Variants in PRRC2B observed in about 807,000 individuals in gnomAD.
PRRC2B encodes proline rich coiled-coil 2B, also known as protein PRRC2B.
A neutral mutation model predicts 242.3 loss-of-function variants in PRRC2B; 68 were observed. The ratio of observed to expected loss-of-function variants is 0.28; its 90% CI spans 0.23 to 0.34. The LOEUF (loss-of-function observed/expected upper bound fraction) is 0.34, where lower values mean the gene tolerates loss of function less well. PRRC2B is among the 10% of genes least tolerant of loss of function. The pLI is 1.00. For synonymous variants in PRRC2B, 1,228 were observed against 1,173.6 expected, an observed-to-expected ratio of 1.05 and a Z score of -0.95; for missense variants, 2,835 against 2,954.8, an observed-to-expected ratio of 0.96 and a Z score of 0.94.
chr9:131,427,692 G>C (rs1331770539), intron 1 of PRRC2B, among the ~76,000 whole-genome samples: 2 of 152,026 alleles, frequency 1.3e-5, no homozygotes, highest in Non-Finnish European at 2.9e-5. Context: ...CCACCACATC[G>C]CATGTGTTCC....
chr9:131,451,314 G>A (rs1162055759), intron 9 of PRRC2B, among the ~76,000 whole-genome samples: 1 of 152,092 alleles, frequency 6.6e-6, no homozygotes, highest in African/African-American at 2.4e-5. Context: ...CAGGAGAATT[G>A]CTTGAACTCG....
At position 131,476,359 on chromosome 9, in the gene PRRC2B, G is replaced by T. The variant is rs1292483846; in HGVS notation, c.4230G>T (p.Leu1410Phe). ...QVDGGLSGAS[L>F]GEKKELAKRS... Reference sequence around the variant, plus strand: ...ATGGTGGCCTGTCGGGGGCTAGTTTGGGTGAGAAGAAGGAGCTGGCCAAGA... The same window carrying T: ...ATGGTGGCCTGTCGGGGGCTAGTTTTGGTGAGAAGAAGGAGCTGGCCAAGA... The change falls in exon 16 of 32, where the codon TTG becomes TTT. Residue 1410 changes from leucine to phenylalanine, a missense_variant. Leu to Phe is a conservative substitution (Grantham distance 22). Around this residue, in one of 7 missense-constraint regions of PRRC2B, gnomAD observed 1,536 missense variants for 1,483.1 expected, o/e 1.04. Transcript: ENST00000683519. 6.3e-7 allele frequency: 1 copy of T among 1,595,482 alleles called. No individual in the cohort carries two copies. The highest frequency in any genetic ancestry group is 8.5e-7 in the Non-Finnish European group (1 of 1,171,014).
intron 1 of PRRC2B, among the ~76,000 whole-genome samples, chr9:131,375,207 C>A (rs145683678): frequency 6.6e-6 from 1 of 152,170 alleles, no homozygotes; most frequent in African/African-American, 2.4e-5. Flanking sequence ...TGGAGATCAG[C>A]CTGACCAACA....
intron 1 of PRRC2B, among the ~76,000 whole-genome samples, chr9:131,387,449 C>T (rs1223471431): frequency 6.7e-6 from 1 of 150,274 alleles, no homozygotes; most frequent in Non-Finnish European, 1.5e-5. Flanking sequence ...CAGACACACC[C>T]AGGATTAATA....
chr9:131,490,853 C>G (rs4740162), intron 28 of PRRC2B: 306,267 of 309,142 alleles, frequency 0.99, 151,761 homozygotes, highest in East Asian at 1. Flanking sequence ...GACTTGGCTT[C>G]GCCATTACTT....
chr9:131,455,587 G>A (rs1421754616), intron 10 of PRRC2B, among the ~76,000 whole-genome samples: 2 of 143,790 alleles, frequency 1.4e-5, no homozygotes, highest in Non-Finnish European at 3.0e-5. Context: ...CATGATGTCA[G>A]CTCACTAAAA....
intron 1 of PRRC2B, among the ~76,000 whole-genome samples, chr9:131,408,069 G>A (rs1409624682): frequency 6.6e-6 from 1 of 152,208 alleles, no homozygotes; most frequent in East Asian, 1.9e-4. Flanking sequence ...TCCTGCAGCT[G>A]AACTGTGGGA....
In PRRC2B at chr9:131,444,179, T is replaced by G. The variant is rs1369517321; in HGVS notation, c.470-6T>G. 6.2e-7 allele frequency: 1 copy of G among 1,613,816 alleles called. No homozygotes were observed. Among genetic ancestry groups the G allele is most frequent in the East Asian group, 2.2e-5 (1 of 44,896 alleles). ...TTCCTCCATGTCTACCCCGTCTTCT[T>G]GACAGGTTTAAGGGGCTCAAGCCGA... is the stretch of plus-strand genomic sequence containing the variant. On this transcript the variant is annotated splice_polypyrimidine_tract_variant and splice_region_variant and intron_variant, in intron 5 of 31. Coordinates refer to ENST00000683519, the MANE Select transcript of PRRC2B (RefSeq NM_013318.4).
Position 131,432,782 on chromosome 9 carries a change from A to C in PRRC2B, c.281A>C (p.Gln94Pro). 1 of 1,614,042 alleles carries C rather than the reference A, an allele frequency of 6.2e-7. No individual in the cohort carries two copies. The highest frequency in any genetic ancestry group is 1.1e-5 in the South Asian group (1 of 91,082). ...GGATGGGCAAACAAGCAGGATCAGCAAGACCCAAAGAGGTAAACGGAGGAG... is the reference window on the plus strand; with the variant it reads ...GGATGGGCAAACAAGCAGGATCAGCCAGACCCAAAGAGGTAAACGGAGGAG... ...GTGWANKQDQ[Q>P]DPKSSSATAS... Residue 94 changes from glutamine (Q) to proline (P), a missense_variant, in exon 3 of 32, where the codon CAA becomes CCA. Gln to Pro is a moderately conservative substitution (Grantham distance 76). Coordinates refer to ENST00000683519, the MANE Select transcript of PRRC2B (RefSeq NM_013318.4).
intron 1 of PRRC2B, among the ~76,000 whole-genome samples, chr9:131,417,205 G>C (rs2131304450): frequency 6.6e-6 from 1 of 152,242 alleles, no homozygotes; most frequent in Middle Eastern, 3.4e-3. Flanking sequence ...TTTGCCTGAG[G>C]AGTGGAGGGT....
chr9:131,490,821 C>T (rs773590715), intron 28 of PRRC2B: 6 of 308,010 alleles, frequency 1.9e-5, no homozygotes, highest in Non-Finnish European at 3.3e-5. Flanking sequence ...GATATACGTC[C>T]GATGCAGCTT....
intron 1 of PRRC2B, among the ~76,000 whole-genome samples, chr9:131,419,145 A>AATATG (rs1837733008): frequency 6.6e-6 from 1 of 152,218 alleles, no homozygotes; most frequent in Admixed American, 6.5e-5. Flanking sequence ...TGACTGCAGT[A>AATATG]AATAGCTACG....
In PRRC2B at chr9:131,405,970, C is replaced by T. The variant is rs368532505; in HGVS notation, c.-52+11707C>T. ...CCTCTGCAAAATGTGATAGTAACAC[C>T]TTCATAGGACCTGGGAAAGGATTCA... On this transcript the variant is annotated intron_variant, in intron 1 of 31. Coordinates refer to ENST00000683519, the MANE Select transcript of PRRC2B (RefSeq NM_013318.4). Among the ~76,000 whole-genome samples, 6 of 152,236 alleles carry T rather than the reference C, an allele frequency of 3.9e-5. No homozygotes were observed. In the South Asian group the frequency reaches 1.2e-3, roughly 32 times the overall value.
chr9:131,426,684 C>G (rs1402658655), intron 1 of PRRC2B, among the ~76,000 whole-genome samples: 2 of 152,158 alleles, frequency 1.3e-5, no homozygotes, highest in East Asian at 3.9e-4. Flanking sequence ...AGGAGGTGAG[C>G]TCTGGGGAGG....
At chr9:131,393,133 C>A (rs1836933328), upstream of PRRC2B, among the ~76,000 whole-genome samples, 1 of 152,104 alleles carries the variant, frequency 6.6e-6, no homozygotes, top group African/African-American at 2.4e-5. Context: ...GGGGCACATT[C>A]TCTCAAAGCC....
intron 1 of PRRC2B, among the ~76,000 whole-genome samples, chr9:131,412,480 G>A (rs1039904406): frequency 4.6e-5 from 7 of 151,600 alleles, no homozygotes; most frequent in African/African-American, 7.2e-5. Context: ...GCGTGCGTGC[G>A]TGCGTGCATG....
At position 131,455,096 on chromosome 9, in the gene PRRC2B, T is replaced by A; in HGVS notation, c.1141T>A (p.Tyr381Asn). ...TGTAGGCCTCCATGAAGAAGTGGAC[T>A]ATTCTGAGAAACTGAAGTTCAGTGA... ...GWAGLHEEVD[Y>N]SEKLKFSDDE... is the part of the protein sequence containing the mutation. Residue 381 changes from tyrosine (Y) to asparagine (N), a missense_variant, in exon 10 of 32, where the codon TAT (tyrosine) becomes AAT (asparagine). Tyr to Asn is a moderately radical substitution (Grantham distance 143). This residue lies in a region of PRRC2B where 626 missense variants were observed against 685.5 expected (regional missense o/e 0.91). Coordinates refer to ENST00000683519, the MANE Select transcript of PRRC2B (RefSeq NM_013318.4). 1 of 1,613,720 alleles carries A rather than the reference T, an allele frequency of 6.2e-7. No individual in the cohort carries two copies. Among genetic ancestry groups the A allele is most frequent in the Non-Finnish European group, 8.5e-7 (1 of 1,179,766 alleles).
At chr9:131,375,236 A>C (rs530892668) in intron 1 of PRRC2B, among the ~76,000 whole-genome samples, 14 of 152,094 alleles carry the variant, frequency 9.2e-5, no homozygotes, top group Non-Finnish European at 1.9e-4. Flanking sequence ...CCCCGTCTCT[A>C]CTAAAAATAA....
chr9:131,401,868 C>A (rs1837235673), intron 1 of PRRC2B, among the ~76,000 whole-genome samples: 1 of 151,832 alleles, frequency 6.6e-6, no homozygotes, highest in Non-Finnish European at 1.5e-5. Flanking sequence ...ACCATGTTGG[C>A]CAGGCTGGTC....
Sources: gnomAD v4.1 joint callset for allele counts (sites outside exome capture counted in the v4.1 genomes callset) on GRCh38, gnomAD v4.1.1 for gene constraint, gnomAD v4.1.1 regional missense constraint, MANE v1.5 for transcripts, NCBI Gene and HGNC (gene_info 2026-07-23, HGNC 2026-07-21) for gene names.